SPATA18: variants seen among roughly 807,000 people sequenced by gnomAD.
SPATA18 encodes spermatogenesis associated 18.
Under a neutral mutation model 68.1 loss-of-function variants are expected in SPATA18, and 54 were observed. The observed-to-expected ratio is 0.79, with a 90% CI of 0.64 to 0.99. The LOEUF is 0.99. Among genes scored for constraint, SPATA18 ranks in the 50% least tolerant of loss-of-function variants. The pLI, the probability that SPATA18 is intolerant of heterozygous loss-of-function variation, is 0.00. For synonymous variants in SPATA18, 242 were observed against 244.8 expected, an observed-to-expected ratio of 0.99 and a Z score of 0.11; for missense variants, 724 against 681.1, an observed-to-expected ratio of 1.06 and a Z score of -0.70.
At chr4:52,061,202 A>G (rs1738820972) in intron 3 of SPATA18, among the ~76,000 whole-genome samples, 1 of 152,172 alleles carries the variant, frequency 6.6e-6, no homozygotes, top group Non-Finnish European at 1.5e-5. Context: ...AGAAGCATTT[A>G]GAAAGCATTT....
At chr4:52,053,649 C>G (rs903660595) in intron 1 of SPATA18, among the ~76,000 whole-genome samples, 1 of 152,102 alleles carries the variant, frequency 6.6e-6, no homozygotes, top group Non-Finnish European at 1.5e-5. Flanking sequence ...TCTCCCATGC[C>G]CCAACCACAG....
Position 52,051,748 on chromosome 4 carries a change from G to A in SPATA18, c.44G>A (p.Arg15Gln). ...LKRLVSNETLRTLQEKLDFWL... is the reference protein window; with the variant it reads ...LKRLVSNETLQTLQEKLDFWL... ...AGACTGGTCTCAAACGAAACTTTACGAACGTTGCAGGAAAAGCTAGACTTC... is the reference window on the plus strand; with the variant it reads ...AGACTGGTCTCAAACGAAACTTTACAAACGTTGCAGGAAAAGCTAGACTTC... The change falls in exon 1 of 13, where the codon CGA becomes CAA. Residue 15 changes from arginine to glutamine, a missense_variant. Transcript: ENST00000295213. The A allele has an allele frequency of 1.2e-6, 2 of 1,614,216 alleles. No individual in the cohort carries two copies. Among genetic ancestry groups the A allele is most frequent in the South Asian group, 2.2e-5 (2 of 91,086 alleles).
At position 52,079,833 on chromosome 4, in the gene SPATA18, A is replaced by G. The variant is rs1740764180; in HGVS notation, c.1269A>G (p.Ile423Met). 6.2e-7 allele frequency: 1 copy of G among 1,614,092 alleles called. No homozygotes were observed. The highest frequency in any genetic ancestry group is 2.2e-5 in the East Asian group (1 of 44,878). ...TTCTCAGTGACTTCATCCAGGAGAT[A>G]TGTTGCATTGCCTTTGCAATGCAGG... ...FCLLSDFIQE[I>M]CCIAFAMQAL... is the part of the protein sequence containing the mutation. Residue 423 changes from isoleucine to methionine, a missense_variant, in exon 9 of 13, where the codon ATA becomes ATG. Coordinates refer to ENST00000295213, the MANE Select transcript of SPATA18 (RefSeq NM_145263.4).
intron 1 of SPATA18, among the ~76,000 whole-genome samples, chr4:52,056,717 A>G (rs1355024994): frequency 1.3e-5 from 2 of 152,238 alleles, no homozygotes; most frequent in East Asian, 3.9e-4. Flanking sequence ...TAGTATGTCT[A>G]TAGCCTCCAG....
Position 52,062,351 on chromosome 4 carries a change from A to C in SPATA18, c.422+19A>C. 6.7e-7 allele frequency: 1 copy of C among 1,482,116 alleles called. No homozygotes were observed. Among genetic ancestry groups the C allele is most frequent in the Non-Finnish European group, 9.3e-7 (1 of 1,076,600 alleles). 91.8% of individuals were successfully genotyped at this position (1,482,116 alleles called of 1,614,324 possible). Reference sequence around the variant, plus strand: ...AAGACGAGTAAGAGGAATGCAAGTTATCTTTTTCCAAAAAGAATTGTTTTC... The same window carrying C: ...AAGACGAGTAAGAGGAATGCAAGTTCTCTTTTTCCAAAAAGAATTGTTTTC... On this transcript the variant is annotated intron_variant, in intron 4 of 12. Coordinates refer to ENST00000295213, the MANE Select transcript of SPATA18 (RefSeq NM_145263.4).
At chr4:52,054,947 G>T (rs996908178) in intron 1 of SPATA18, among the ~76,000 whole-genome samples, 1 of 151,206 alleles carries the variant, frequency 6.6e-6, no homozygotes, top group South Asian at 2.1e-4. Flanking sequence ...TCCTTGCCTG[G>T]CATGACCTTA....
At chr4:52,094,639 T>C in intron 12 of SPATA18, 67 bp downstream of exon 12, 1 of 1,487,864 alleles carries the variant, frequency 6.7e-7, no homozygotes, top group Admixed American at 1.7e-5. Flanking sequence ...TACTTAGCAC[T>C]GAGCAGCAAA....
intron 11 of SPATA18, among the ~76,000 whole-genome samples, chr4:52,088,849 A>G (rs1210486899): frequency 6.6e-6 from 1 of 152,178 alleles, no homozygotes; most frequent in Non-Finnish European, 1.5e-5. Context: ...ATAGTTTCAG[A>G]ACGAATGGTA....
rs184617860 is a variant in SPATA18, at chr4:52,082,391, C to T, written c.1360C>T (p.Arg454Cys). The change falls in exon 10 of 13, where the codon CGC (arginine) becomes TGC (cysteine). Residue 454 changes from arginine to cysteine, a missense_variant. Coordinates refer to ENST00000295213, the MANE Select transcript of SPATA18 (RefSeq NM_145263.4). ...TTTTTTGTATATTGAAAACAGATAC[C>T]GCCGCAGCTACGACTCGGATTTCAC... ...DGEVFNDCKYRRSYDSDFTAP... is the reference protein window; with the variant it reads ...DGEVFNDCKYCRSYDSDFTAP... 632 of 1,613,662 alleles carry T rather than the reference C, an allele frequency of 3.9e-4. 1 individual carries two copies. The East Asian group carries it at 0.01, about 26-fold the overall frequency.
At chr4:52,056,063 T>C (rs1055013917) in intron 1 of SPATA18, among the ~76,000 whole-genome samples, 2 of 152,170 alleles carry the variant, frequency 1.3e-5, no homozygotes, top group Admixed American at 6.5e-5. Flanking sequence ...TTCTGATTGC[T>C]CTTGTTTTGT....
At chr4:52,062,366 G>T (rs756045150) in intron 4 of SPATA18, 34 bp downstream of exon 4, 15 of 1,431,362 alleles carry the variant, frequency 1.0e-5, no homozygotes, top group Admixed American at 2.0e-5. Flanking sequence ...TTTCCAAAAA[G>T]AATTGTTTTC....
At chr4:52,070,560 G>A (rs770077498) in intron 5 of SPATA18, among the ~76,000 whole-genome samples, 6 of 151,652 alleles carry the variant, frequency 4.0e-5, no homozygotes, top group African/African-American at 1.5e-4. Context: ...GGGAGGGATA[G>A]CATTAGGAGA....
At chr4:52,060,336 G>T in intron 1 of SPATA18, 83 bp from the exon 2 acceptor site, 2 of 1,072,246 alleles carry the variant, frequency 1.9e-6, no homozygotes, top group Admixed American at 2.2e-5. Flanking sequence ...GGCAGCTCGT[G>T]GGTCAAGTGA....
intron 10 of SPATA18, chr4:52,083,008 C>T: frequency 1.0e-6 from 1 of 985,276 alleles, no homozygotes; most frequent in Non-Finnish European, 1.2e-6. Flanking sequence ...AGAGAGGAAC[C>T]AATCAGTTTG....
At chr4:52,083,938 A>C (rs560975166) in intron 10 of SPATA18, among the ~76,000 whole-genome samples, 3 of 151,306 alleles carry the variant, frequency 2.0e-5, no homozygotes, top group African/African-American at 7.3e-5. Flanking sequence ...ACGGGGTTTC[A>C]CCATGTTGGT....
At chr4:52,079,038 G>A in intron 8 of SPATA18, 145 bp downstream of exon 8, 5 of 880,686 alleles carry the variant, frequency 5.7e-6, no homozygotes, top group Non-Finnish European at 7.8e-6. Context: ...AATTTACTTG[G>A]TAGCACCTGC....
chr4:52,062,184 CTGT>C, intron 3 of SPATA18, 33 bp from the exon 4 acceptor site: 3 of 1,053,976 alleles, frequency 2.8e-6, no homozygotes, highest in South Asian at 1.5e-5. Flanking sequence ...TGTATTCAGA[CTGT>C]TTTTTTTTTT....
intron 1 of SPATA18, among the ~76,000 whole-genome samples, chr4:52,058,081 TATA>T (rs1738503939): frequency 2.0e-5 from 3 of 152,296 alleles, no homozygotes; most frequent in Admixed American, 6.5e-5. Flanking sequence ...TAAGTGCAGG[TATA>T]AAATGGCCAG....
chr4:52,084,689 C>G (rs1454353142), intron 10 of SPATA18, among the ~76,000 whole-genome samples: 2 of 152,164 alleles, frequency 1.3e-5, no homozygotes, highest in Non-Finnish European at 2.9e-5. Context: ...CAGAATATCC[C>G]AAGGTTCATT....
Sources: gnomAD v4.1 joint callset for allele counts (sites outside exome capture counted in the v4.1 genomes callset) on GRCh38, gnomAD v4.1.1 for gene constraint, MANE v1.5 for transcripts, NCBI Gene and HGNC (gene_info 2026-07-23, HGNC 2026-07-21) for gene names.